The following TKT variants were observed in gnomAD, a reference collection of about 807,000 sequenced individuals.
TKT encodes transketolase.
A neutral mutation model predicts 63.9 loss-of-function variants in TKT; 47 were observed. The ratio of observed to expected loss-of-function variants is 0.74; its 90% CI spans 0.58 to 0.94. TKT has a LOEUF of 0.94. TKT is among the 40% of genes least tolerant of loss of function. The pLI, the probability that TKT is intolerant of heterozygous loss-of-function variation, is 0.00. For synonymous variants in TKT, 338 were observed against 334.1 expected (o/e 1.01, Z -0.13); for missense variants, 721 against 846.2 (o/e 0.85, Z 1.84).
At chr3:53,240,447 C>T in intron 3 of TKT, 99 bp from the exon 4 acceptor site, 2 of 1,130,198 alleles carry the variant, frequency 1.8e-6, no homozygotes, top group East Asian at 5.1e-5. Flanking sequence ...CAAGCCCTTC[C>T]TCTGCAGAAG....
chr3:53,255,836 C>G lies in TKT; in HGVS notation c.107G>C (p.Gly36Ala). 1 of 1,525,634 alleles carries G rather than the reference C, an allele frequency of 6.6e-7. No individual in the cohort carries two copies. Among genetic ancestry groups the G allele is most frequent in the South Asian group, 1.2e-5 (1 of 81,982 alleles). The allele number at this position is 1,525,634 out of a possible 1,614,324, so 94.5% of individuals were successfully genotyped here. A position where few individuals can be genotyped will look rare whatever the true frequency, so the allele number is the denominator to read the frequency against. ...SIQATTAAGS[G>A]HPTSCCSAAE... ...TCCCCGGCCGGCGCCGCGCACTCAC[C>G]CAGAGCCCGCCGCAGTGGTGGCCTG... is the stretch of plus-strand genomic sequence containing the variant. The change falls in exon 1 of 14, where the codon GGC becomes GCC. Residue 36 changes from glycine to alanine, a missense_variant and splice_region_variant. By Grantham distance (60) the Gly-to-Ala change is moderately conservative. Transcript: ENST00000462138.
chr3:53,248,960 T>C (rs905145244), intron 1 of TKT, among the ~76,000 whole-genome samples: 1 of 152,116 alleles, frequency 6.6e-6, no homozygotes, highest in African/African-American at 2.4e-5. Flanking sequence ...GAAATTTGTT[T>C]TTATTTTTAT....
Position 53,228,134 on chromosome 3 carries a change from TG to T in TKT, c.1494del (p.Ser498ArgfsTer6). On this transcript the variant is annotated frameshift_variant, in exon 12 of 14. Coordinates refer to ENST00000462138, the MANE Select transcript of TKT (RefSeq NM_001064.4). LOFTEE classifies it high-confidence loss of function. Reference sequence around the variant, plus strand: ...CCGATAACGGTCACCTGGTCATCCTTGCTCTTCAGGACCACCTGGGGGTGAC... The same window carrying T: ...CCGATAACGGTCACCTGGTCATCCTTCTCTTCAGGACCACCTGGGGGTGAC... ...QVGQAKVVLK[S>X]KDDQVTVIGA... The T allele has an allele frequency of 6.2e-7, 1 of 1,613,994 alleles. No homozygotes were observed. The highest frequency in any genetic ancestry group is 8.5e-7 in the Non-Finnish European group (1 of 1,179,970).
At chr3:53,233,326 G>A (rs2242303) in intron 5 of TKT, 52 bp from the exon 6 acceptor site, 266,163 of 1,447,214 alleles carry the variant, frequency 0.18, 25,653 homozygotes, top group South Asian at 0.2. Context: ...CCACAACACC[G>A]AGGAGCCTTC....
intron 1 of TKT, among the ~76,000 whole-genome samples, chr3:53,249,070 G>C (rs1028985443): frequency 2.0e-5 from 3 of 151,868 alleles, no homozygotes; most frequent in Non-Finnish European, 2.9e-5. Flanking sequence ...GGGTTCAAGC[G>C]ATTCTCATGC....
chr3:53,235,890 TA>T (rs1705004735), intron 4 of TKT, among the ~76,000 whole-genome samples: 2 of 34,784 alleles, frequency 5.7e-5, no homozygotes, highest in South Asian at 0.01. Context: ...AGTGAGACGT[TA>T]AAAAGAACAC....
Position 53,241,171 on chromosome 3 carries a change from C to T in TKT, c.300G>A (p.Leu100=), listed in dbSNP as rs1553679761. The T allele has an allele frequency of 6.3e-7, 1 of 1,591,484 alleles. No homozygotes were observed. The highest frequency in any genetic ancestry group is 1.8e-5 in the Admixed American group (1 of 55,400). The part of the protein sequence containing the change: ...GFLAEAELLN[L]RKISSDLDGH... ...CGTCCAAGTCGGAGCTGATCTTCCT[C>T]AGGTTCAGCAGCTCCGCCTCGGCCA... is the stretch of plus-strand genomic sequence containing the variant. Residue 100 remains leucine (L), a synonymous_variant, in exon 3 of 14, where the codon CTG becomes CTA. Coordinates refer to ENST00000462138, the MANE Select transcript of TKT (RefSeq NM_001064.4).
At chr3:53,237,531 C>CACACAT (rs1705089314) in intron 4 of TKT, among the ~76,000 whole-genome samples, 1 of 148,730 alleles carries the variant, frequency 6.7e-6, no homozygotes, top group Non-Finnish European at 1.5e-5. Context: ...CACACACACA[C>CACACAT]ACACTGGGAT....
chr3:53,251,635 C>A (rs894144433), intron 1 of TKT, among the ~76,000 whole-genome samples: 3 of 152,188 alleles, frequency 2.0e-5, no homozygotes, highest in Non-Finnish European at 4.4e-5. Flanking sequence ...TGGGTCCTCA[C>A]AGAATGTACA....
At chr3:53,242,349 C>G (rs927710000) in intron 1 of TKT, 107 bp from the exon 2 acceptor site, 1 of 1,082,912 alleles carries the variant, frequency 9.2e-7, no homozygotes, top group South Asian at 1.3e-5. Context: ...AGGAGTCACA[C>G]AGGCCTGGCT....
At chr3:53,238,400 A>G (rs1553679148) in intron 4 of TKT, among the ~76,000 whole-genome samples, 4 of 152,234 alleles carry the variant, frequency 2.6e-5, no homozygotes, top group African/African-American at 9.6e-5. Flanking sequence ...TCACCAAGGA[A>G]TGAAAGCAAA....
chr3:53,240,408 C>G, intron 3 of TKT, 60 bp from the exon 4 acceptor site: 1 of 1,522,260 alleles, frequency 6.6e-7, no homozygotes, highest in South Asian at 1.2e-5. Flanking sequence ...TCTCACCCGC[C>G]TAGGGAGCCA....
At chr3:53,253,413 T>G (rs1344818541) in intron 1 of TKT, among the ~76,000 whole-genome samples, 1 of 152,256 alleles carries the variant, frequency 6.6e-6, no homozygotes, top group Non-Finnish European at 1.5e-5. Flanking sequence ...GCTCAAGTGA[T>G]CCTCTGCCTC....
intron 1 of TKT, among the ~76,000 whole-genome samples, chr3:53,244,321 T>G (rs985320082): frequency 3.9e-5 from 6 of 152,126 alleles, no homozygotes; most frequent in South Asian, 4.1e-4. Flanking sequence ...GTTGGGGAGG[T>G]GAGCTGTGCC....
intron 12 of TKT, 37 bp downstream of exon 12, chr3:53,228,019 C>T (rs782591054): frequency 6.9e-6 from 11 of 1,585,446 alleles, no homozygotes; most frequent in South Asian, 2.2e-5. Context: ...ATGCAGTGGC[C>T]GCTCAGTTGA....
Position 53,225,753 on chromosome 3 carries a change from G to A in TKT, c.*3C>T, listed in dbSNP as rs377455261. 2.2e-4 allele frequency: 358 copies of A among 1,607,250 alleles called. No individual in the cohort carries two copies. Among genetic ancestry groups the A allele is most frequent in the Admixed American group, 2.5e-4 (15 of 59,646 alleles). On this transcript the variant is annotated 3_prime_UTR_variant, in exon 14 of 14. Coordinates refer to ENST00000462138, the MANE Select transcript of TKT (RefSeq NM_001064.4). Reference sequence around the variant, plus strand: ...GACCCCCGCCCCACACTTCATACCCGCCCTAGGCCTTGGTGATGAGGCCCC... The same window carrying A: ...GACCCCCGCCCCACACTTCATACCCACCCTAGGCCTTGGTGATGAGGCCCC...
intron 8 of TKT, among the ~76,000 whole-genome samples, chr3:53,230,025 A>C (rs1704673400): frequency 1.3e-5 from 2 of 152,178 alleles, no homozygotes; most frequent in South Asian, 4.1e-4. Context: ...GGTACATGTC[A>C]GGGGCCCAGA....
intron 6 of TKT, chr3:53,232,119 T>A (rs1325292273): frequency 3.2e-5 from 12 of 380,240 alleles, no homozygotes; most frequent in Non-Finnish European, 5.1e-5. Context: ...TCCCTCTCCC[T>A]GGAGGTCACC....
chr3:53,231,344 C>A lies in TKT; in HGVS notation c.942+13G>T, dbSNP rs1005665118. On this transcript the variant is annotated intron_variant, in intron 7 of 13. Transcript: ENST00000462138. ...AGAACTATGGGTTCAGAGAAACAGGCCCCACTTTGTACCTTGTCCCCAACT... is the reference window on the plus strand; with the variant it reads ...AGAACTATGGGTTCAGAGAAACAGGACCCACTTTGTACCTTGTCCCCAACT... 6 of 1,611,688 alleles carry A rather than the reference C, an allele frequency of 3.7e-6. No individual in the cohort carries two copies. The highest frequency in any genetic ancestry group is 2.7e-5 in the African/African-American group (2 of 74,888).
Sources: gnomAD v4.1 joint callset for allele counts (sites outside exome capture counted in the v4.1 genomes callset) on GRCh38, gnomAD v4.1.1 for gene constraint, MANE v1.5 for transcripts, NCBI Gene and HGNC (gene_info 2026-07-23, HGNC 2026-07-21) for gene names.